Variants in ELL2 observed in about 807,000 individuals in gnomAD.
ELL2 encodes elongation factor for RNA polymerase II 2, also known as RNA polymerase II elongation factor ELL2.
In ELL2, 21 loss-of-function variants were observed where a neutral mutation model predicts 72.8. The observed-to-expected ratio is 0.29, with a 90% CI of 0.20 to 0.42. The LOEUF (loss-of-function observed/expected upper bound fraction) is 0.42, where lower values mean the gene tolerates loss of function less well. Among genes scored for constraint, ELL2 ranks in the 10% least tolerant of loss-of-function variants. ELL2 has a pLI of 1.00. For missense variants in ELL2, 568 were observed against 772.8 expected, an observed-to-expected ratio of 0.73 and a Z score of 3.14; for synonymous variants, 266 against 283.2, an observed-to-expected ratio of 0.94 and a Z score of 0.61.
At chr5:95,930,071 T>C (rs1033481336) in intron 2 of ELL2, among the ~76,000 whole-genome samples, 3 of 152,262 alleles carry the variant, frequency 2.0e-5, no homozygotes, top group African/African-American at 7.2e-5. Context: ...TTAAAGAATT[T>C]AGAATGTAAC....
In ELL2 at chr5:95,898,223, AT is replaced by A; in HGVS notation, c.1525+16del. The A allele has an allele frequency of 6.3e-7, 1 of 1,575,680 alleles. No homozygotes were observed. Among genetic ancestry groups the A allele is most frequent in the Non-Finnish European group, 8.6e-7 (1 of 1,163,786 alleles). Reference sequence around the variant, plus strand: ...TCATGATAGCATGCACTTCTGGTTCATCTAAAGGTAAAATACCTCCACTGGA... The same window carrying A: ...TCATGATAGCATGCACTTCTGGTTCACTAAAGGTAAAATACCTCCACTGGA... On this transcript the variant is annotated intron_variant, in intron 8 of 11. Coordinates refer to ENST00000237853, the MANE Select transcript of ELL2 (RefSeq NM_012081.6).
chr5:95,944,028 T>G (rs567690601), intron 1 of ELL2, among the ~76,000 whole-genome samples: 1 of 152,172 alleles, frequency 6.6e-6, no homozygotes, highest in South Asian at 2.1e-4. Flanking sequence ...TCAAATCCAA[T>G]GTACAAAAAC....
At chr5:95,958,553 C>T (rs1350834331) in intron 1 of ELL2, among the ~76,000 whole-genome samples, 1 of 152,186 alleles carries the variant, frequency 6.6e-6, no homozygotes, top group Non-Finnish European at 1.5e-5. Flanking sequence ...CAGTTTCACT[C>T]CAATTCCTGC....
rs1428547848 is a variant in ELL2, at chr5:95,924,079, G to A, written c.196-4534C>T. Among the ~76,000 whole-genome samples, 9 of 152,186 alleles carry A rather than the reference G, an allele frequency of 5.9e-5. 1 individual carries two copies. In the East Asian group the frequency reaches 1.7e-3, roughly 29 times the overall value. Reference sequence around the variant, plus strand: ...AGAACTAAACTATGGCAACTTCAGAGCAGACCAGAACCTGTGGGACTGTTG... The same window carrying A: ...AGAACTAAACTATGGCAACTTCAGAACAGACCAGAACCTGTGGGACTGTTG... On this transcript the variant is annotated intron_variant, in intron 2 of 11. Transcript: ENST00000237853.
chr5:95,891,126 A>C lies in ELL2; in HGVS notation c.1738T>G (p.Ser580Ala). Reference protein sequence around the residue: ...IKLDAQRKRLSPGSKEYQNVH... With the variant: ...IKLDAQRKRLAPGSKEYQNVH... ...ACCTGATACTCTTTTGAGCCTGGAGAAAGGCGCTTTCTTTGTGCATCTAGT... is the reference window on the plus strand; with the variant it reads ...ACCTGATACTCTTTTGAGCCTGGAGCAAGGCGCTTTCTTTGTGCATCTAGT... Residue 580 changes from serine to alanine, a missense_variant, in exon 10 of 12, where the codon TCT becomes GCT. This residue lies in a region of ELL2 where 511 missense variants were observed against 728.4 expected (regional missense o/e 0.70). Transcript: ENST00000237853. 1 of 1,614,152 alleles carries C rather than the reference A, an allele frequency of 6.2e-7. No individual in the cohort carries two copies. The highest frequency in any genetic ancestry group is 8.5e-7 in the Non-Finnish European group (1 of 1,180,020).
chr5:95,947,341 G>A (rs550767077), intron 1 of ELL2, among the ~76,000 whole-genome samples: 1 of 152,164 alleles, frequency 6.6e-6, no homozygotes, highest in Non-Finnish European at 1.5e-5. Flanking sequence ...CAACAATTTA[G>A]AAACTTGAAA....
intron 10 of ELL2, 22 bp downstream of exon 10, chr5:95,891,081 A>C: frequency 6.2e-7 from 1 of 1,614,146 alleles, no homozygotes; most frequent in Non-Finnish European, 8.5e-7. Context: ...AAGTCAGCCC[A>C]TCTAGTTACA....
At chr5:95,927,901 G>A (rs1368134620) in intron 2 of ELL2, among the ~76,000 whole-genome samples, 1 of 149,954 alleles carries the variant, frequency 6.7e-6, no homozygotes, top group Non-Finnish European at 1.5e-5. Context: ...CCATTAACTG[G>A]TTAAGTGTAC....
intron 3 of ELL2, among the ~76,000 whole-genome samples, chr5:95,915,346 C>T (rs889159792): frequency 2.0e-5 from 3 of 152,208 alleles, no homozygotes; most frequent in East Asian, 1.9e-4. Flanking sequence ...CATGAACACT[C>T]GCCTTGGCCT....
intron 4 of ELL2, among the ~76,000 whole-genome samples, chr5:95,907,296 A>ATATATATATATATATATTTTTTTT: frequency 2.6e-5 from 3 of 116,522 alleles, no homozygotes; most frequent in African/African-American, 1.2e-4. Context: ...ATATATATAT[A>ATATATATATATATATATTTTTTTT]TTTTTTTTTT....
In ELL2 at chr5:95,906,756, G is replaced by A; in HGVS notation, c.508C>T (p.Pro170Ser). The A allele has an allele frequency of 6.2e-7, 1 of 1,612,412 alleles. No homozygotes were observed. The highest frequency in any genetic ancestry group is 1.1e-5 in the South Asian group (1 of 90,836). ...VGKRVQIRKA[P>S]QAVSDTVPER... ...GGAACTGTATCTGAAACAGCTTGAG[G>A]TGCTTTCCGAATTTGCACTCTTTTC... is the stretch of plus-strand genomic sequence containing the variant. Residue 170 changes from proline to serine, a missense_variant, in exon 5 of 12, where the codon CCT becomes TCT. Physicochemically the swap from Pro to Ser is moderately conservative, Grantham distance 74. This residue lies in a region of ELL2 where 511 missense variants were observed against 728.4 expected (regional missense o/e 0.70). Coordinates refer to ENST00000237853, the MANE Select transcript of ELL2 (RefSeq NM_012081.6).
chr5:95,891,084 T>C lies in ELL2; in HGVS notation c.1761+19A>G. On this transcript the variant is annotated intron_variant, in intron 10 of 11. Transcript: ENST00000237853. ...GGTAAAATATGAAAGTCAGCCCATCTAGTTACAAATCCATTTACCTGATAC... is the reference window on the plus strand; with the variant it reads ...GGTAAAATATGAAAGTCAGCCCATCCAGTTACAAATCCATTTACCTGATAC... 6.2e-7 allele frequency: 1 copy of C among 1,614,114 alleles called. No individual in the cohort carries two copies.
chr5:95,931,796 TAAAAAAAAA>T (rs368583353), intron 2 of ELL2, among the ~76,000 whole-genome samples: 1 of 72,528 alleles, frequency 1.4e-5, no homozygotes, highest in East Asian at 4.5e-4. Context: ...GCCCTATCCA[TAAAAAAAAA>T]AAAAAAAAAA....
intron 2 of ELL2, among the ~76,000 whole-genome samples, chr5:95,935,222 G>A (rs1233793947): frequency 2.6e-5 from 4 of 151,896 alleles, no homozygotes; most frequent in South Asian, 2.1e-4. Context: ...TTATAAAAAC[G>A]GCATCATACC....
intron 2 of ELL2, among the ~76,000 whole-genome samples, chr5:95,928,827 C>T (rs1181473491): frequency 1.3e-5 from 2 of 152,142 alleles, no homozygotes; most frequent in African/African-American, 4.8e-5. Flanking sequence ...TCTCAAGGGT[C>T]ATTTATTTCT....
chr5:95,894,142 CT>C (rs1748774700), intron 9 of ELL2, among the ~76,000 whole-genome samples: 1 of 152,142 alleles, frequency 6.6e-6, no homozygotes, highest in Admixed American at 6.5e-5. Flanking sequence ...ATCCCAGCTA[CT>C]TGGGAGGCTC....
At chr5:95,925,953 T>C (rs577492894) in intron 2 of ELL2, among the ~76,000 whole-genome samples, 50 of 152,326 alleles carry the variant, frequency 3.3e-4, no homozygotes, top group African/African-American at 1.2e-3. Context: ...TGTTCTCAAA[T>C]TATTTCTAGA....
Position 95,927,389 on chromosome 5 carries a change from ATATATAGACATACACACACG to A in ELL2, c.196-7864_196-7845del, listed in dbSNP as rs1750335776. On this transcript the variant is annotated intron_variant, in intron 2 of 11. Coordinates refer to ENST00000237853, the MANE Select transcript of ELL2 (RefSeq NM_012081.6). Reference sequence around the variant, plus strand: ...TAGACATACACACACACACGTGTGTATATATAGACATACACACACGTGTGTATATAGACATACACACACAC... The same window carrying A: ...TAGACATACACACACACACGTGTGTATGTGTATATAGACATACACACACAC... Among the ~76,000 whole-genome samples the A allele has an allele frequency of 5.0e-4, 21 of 42,408 alleles. 5 individuals are homozygous for A. The highest frequency in any genetic ancestry group is 4.2e-3 in the South Asian group (3 of 718). 27.8% of individuals were successfully genotyped at this position (42,408 alleles called of 152,430 possible).
chr5:95,891,373 G>T, intron 9 of ELL2, 99 bp from the exon 10 acceptor site: 1 of 1,272,278 alleles, frequency 7.9e-7, no homozygotes, highest in Non-Finnish European at 1.1e-6. Flanking sequence ...ATCCATGCAT[G>T]TGTCACTAAT....
Sources: gnomAD v4.1 joint callset for allele counts (sites outside exome capture counted in the v4.1 genomes callset) on GRCh38, gnomAD v4.1.1 for gene constraint, gnomAD v4.1.1 regional missense constraint, MANE v1.5 for transcripts, NCBI Gene and HGNC (gene_info 2026-07-23, HGNC 2026-07-21) for gene names.